Variants in CREB5 observed in about 807,000 individuals in gnomAD.
CREB5 encodes cyclic AMP-responsive element-binding protein 5.
CREB5 carries 19 observed loss-of-function variants against 57.1 expected under a neutral mutation model. The observed-to-expected ratio is 0.33, with a 90% CI of 0.23 to 0.49. The LOEUF (loss-of-function observed/expected upper bound fraction) is 0.49, where lower values mean the gene tolerates loss of function less well. Ranked by LOEUF, CREB5 falls within the 20% of genes least tolerant of loss-of-function variation. The pLI is 0.99. For missense variants in CREB5, 579 were observed against 671.6 expected, an observed-to-expected ratio of 0.86 and a Z score of 1.52; for synonymous variants, 238 against 238.3, an observed-to-expected ratio of 1.00 and a Z score of 0.01.
chr7:28,433,472 G>A (rs1264645604), intron 1 of CREB5, among the ~76,000 whole-genome samples: 1 of 152,038 alleles, frequency 6.6e-6, no homozygotes, highest in African/African-American at 2.4e-5. Context: ...TTTTCTCTCA[G>A]AGTATTAATA....
rs145908454 is a variant in CREB5, at chr7:28,311,495, G to C, written c.-25+12054G>C. Among the ~76,000 whole-genome samples the C allele has an allele frequency of 1.3e-3, 205 of 152,284 alleles. 2 individuals carry two copies. In the East Asian group the frequency reaches 0.015, roughly 11 times the overall value. On this transcript the variant is annotated intron_variant, in intron 1 of 9. Coordinates refer to the CREB5 transcript ENST00000396299. ...GAACATTGATCAGAAACAGACCTTT[G>C]GAGCTGTCCTCCTTTTACACATTTA... is the stretch of plus-strand genomic sequence containing the variant.
At chr7:28,543,901 T>C (rs1339535805) in intron 4 of CREB5, among the ~76,000 whole-genome samples, 1 of 150,336 alleles carries the variant, frequency 6.7e-6, no homozygotes, top group Non-Finnish European at 1.5e-5. Flanking sequence ...TATTAACCCA[T>C]CTGAGCTCAG....
intron 1 of CREB5, among the ~76,000 whole-genome samples, chr7:28,474,584 A>G (rs974677458): frequency 3.9e-5 from 6 of 152,196 alleles, no homozygotes; most frequent in African/African-American, 1.4e-4. Context: ...CTTTGGAAAC[A>G]GTAGAGGACG....
intron 5 of CREB5, among the ~76,000 whole-genome samples, chr7:28,675,426 T>C (rs1178553535): frequency 6.6e-6 from 1 of 152,180 alleles, no homozygotes; most frequent in Non-Finnish European, 1.5e-5. Context: ...ACTTTGGTTT[T>C]CCCTGCGTTA....
At chr7:28,600,097 C>G (rs1332962474) in intron 5 of CREB5, among the ~76,000 whole-genome samples, 1 of 152,064 alleles carries the variant, frequency 6.6e-6, no homozygotes, top group African/African-American at 2.4e-5. Context: ...CGCCTTTCTT[C>G]CCACCTTCAA....
At chr7:28,512,951 A>G (rs763479624) in intron 4 of CREB5, among the ~76,000 whole-genome samples, 1 of 152,232 alleles carries the variant, frequency 6.6e-6, no homozygotes, top group Non-Finnish European at 1.5e-5. Flanking sequence ...TGTTTAACAC[A>G]TGGAACAAGG....
chr7:28,473,873 C>T lies in CREB5; in HGVS notation c.4-14302C>T, dbSNP rs542590361. ...CCCTGGCCCGTGGCAGGGAGCCTCC[C>T]TTGTACTTTGAAGATTTCTAGCGAG... On this transcript the variant is annotated intron_variant, in intron 1 of 10. Transcript: ENST00000357727. Among the ~76,000 whole-genome samples, 5 of 152,294 alleles carry T rather than the reference C, an allele frequency of 3.3e-5. No homozygotes were observed. The South Asian group carries it at 1.0e-3, about 32-fold the overall frequency.
chr7:28,561,928 T>C (rs2128643384), intron 4 of CREB5, among the ~76,000 whole-genome samples: 1 of 152,272 alleles, frequency 6.6e-6, no homozygotes, highest in East Asian at 1.9e-4. Flanking sequence ...TATTTTTTAG[T>C]AGTGATGGGT....
At chr7:28,520,522 C>T (rs1022799077) in intron 4 of CREB5, among the ~76,000 whole-genome samples, 1 of 152,262 alleles carries the variant, frequency 6.6e-6, no homozygotes, top group Non-Finnish European at 1.5e-5. Context: ...AAATCCCCTT[C>T]CCAACGGCTG....
At chr7:28,566,177 G>A (rs527958889) in intron 4 of CREB5, among the ~76,000 whole-genome samples, 9 of 152,248 alleles carry the variant, frequency 5.9e-5, no homozygotes, top group Admixed American at 3.3e-4. Flanking sequence ...CTCTAGATCC[G>A]GATGTTTCAC....
At chr7:28,713,376 T>G (rs1802509032) in intron 5 of CREB5, among the ~76,000 whole-genome samples, 1 of 152,236 alleles carries the variant, frequency 6.6e-6, no homozygotes, top group East Asian at 1.9e-4. Flanking sequence ...AATATTCTTT[T>G]TGTGGTCTGG....
chr7:28,346,915 G>A (rs1218901705), intron 1 of CREB5, among the ~76,000 whole-genome samples: 1 of 152,110 alleles, frequency 6.6e-6, no homozygotes, highest in Non-Finnish European at 1.5e-5. Context: ...CAGTATAAAA[G>A]GGAAGACATA....
At chr7:28,455,106 C>A (rs933464497) in intron 1 of CREB5, among the ~76,000 whole-genome samples, 1 of 152,166 alleles carries the variant, frequency 6.6e-6, no homozygotes, top group Non-Finnish European at 1.5e-5. Context: ...TAGAAGGGGG[C>A]AAAGCCACAT....
At chr7:28,683,837 C>T (rs372924277) in intron 5 of CREB5, among the ~76,000 whole-genome samples, 1 of 152,122 alleles carries the variant, frequency 6.6e-6, no homozygotes, top group East Asian at 1.9e-4. Context: ...AGTGGATTCA[C>T]CCCGGCCCTC....
rs1173366075 is a variant in CREB5, at chr7:28,560,855, TGTGC to T, written c.292-9506_292-9503del. ...GCGCGTGTGTGTGTGCGCGTGTGTG[TGTGC>T]GTGTGCCTGCGTGCGCGTGCGTGCG... On this transcript the variant is annotated intron_variant, in intron 4 of 10. Coordinates refer to ENST00000357727, the MANE Select transcript of CREB5 (RefSeq NM_182898.4). 3.5e-5 allele frequency among the ~76,000 whole-genome samples: 2 copies of T among 56,382 alleles called. 1 individual carries two copies. The highest frequency in any genetic ancestry group is 1.4e-4 in the African/African-American group (2 of 14,136). The allele number at this position is 56,382 out of a possible 152,430, so 37.0% of individuals were successfully genotyped here. A position where few individuals can be genotyped will look rare whatever the true frequency, so the allele number is the denominator to read the frequency against.
At chr7:28,565,884 G>A (rs1187770217) in intron 4 of CREB5, among the ~76,000 whole-genome samples, 1 of 152,172 alleles carries the variant, frequency 6.6e-6, no homozygotes, top group Non-Finnish European at 1.5e-5. Flanking sequence ...CTGCGTCATT[G>A]TACTCCAGCC....
intron 8 of CREB5, among the ~76,000 whole-genome samples, chr7:28,808,317 T>C (rs1435221431): frequency 6.6e-6 from 1 of 152,178 alleles, no homozygotes; most frequent in Non-Finnish European, 1.5e-5. Context: ...TTCATCTGCT[T>C]TCCTGGCTTC....
chr7:28,385,266 CA>C (rs972540924), intron 1 of CREB5, among the ~76,000 whole-genome samples: 3 of 151,848 alleles, frequency 2.0e-5, no homozygotes, highest in East Asian at 1.9e-4. Context: ...CATATTTTTA[CA>C]AAAAAAAGAA....
chr7:28,601,172 T>G (rs73302805), intron 5 of CREB5, among the ~76,000 whole-genome samples: 1 of 151,790 alleles, frequency 6.6e-6, no homozygotes, highest in Non-Finnish European at 1.5e-5. Flanking sequence ...TATTATTATT[T>G]TTTTTTTTGG....
Sources: allele counts gnomAD v4.1 joint callset (sites outside exome capture counted in the v4.1 genomes callset), GRCh38; gene constraint gnomAD v4.1.1; transcripts MANE v1.5; gene names NCBI Gene and HGNC (gene_info 2026-07-23, HGNC 2026-07-21).